USH2A: variants seen among roughly 807,000 people sequenced by gnomAD.
The protein encoded by USH2A is Usher syndrome 2A (autosomal recessive, mild).
USH2A carries 443 observed loss-of-function variants against 538.9 expected under a neutral mutation model. The ratio of observed to expected loss-of-function variants is 0.82; its 90% CI spans 0.76 to 0.89. The LOEUF is 0.89. USH2A is among the 40% of genes least tolerant of loss of function. USH2A has a pLI of 0.00. For synonymous variants in USH2A, 2,413 were observed against 2,273.5 expected, an observed-to-expected ratio of 1.06 and a Z score of -1.75; for missense variants, 6,633 against 6,324.8, an observed-to-expected ratio of 1.05 and a Z score of -1.65.
At chr1:215,872,223 G>A (rs1664640228) in intron 43 of USH2A, among the ~76,000 whole-genome samples, 1 of 152,082 alleles carries the variant, frequency 6.6e-6, no homozygotes, top group South Asian at 2.1e-4. Context: ...AGCAAACAAA[G>A]AAAAATGAAA....
chr1:216,097,664 A>T (rs188766118), intron 21 of USH2A, among the ~76,000 whole-genome samples: 1 of 152,222 alleles, frequency 6.6e-6, no homozygotes, highest in East Asian at 1.9e-4. Context: ...CCTGCCATGA[A>T]GAGGCCTATA....
intron 21 of USH2A, among the ~76,000 whole-genome samples, chr1:216,101,418 C>G (rs2032575313): frequency 6.6e-6 from 1 of 152,172 alleles, no homozygotes; most frequent in Non-Finnish European, 1.5e-5. Flanking sequence ...CAACTATTGA[C>G]TTAGGCTTAG....
intron 56 of USH2A, among the ~76,000 whole-genome samples, chr1:215,763,740 G>C (rs140043971): frequency 6.6e-6 from 1 of 152,176 alleles, no homozygotes; most frequent in African/African-American, 2.4e-5. Context: ...TGGGATGTGA[G>C]AAAGAGGAAA....
chr1:216,356,167 A>G lies in USH2A; in HGVS notation c.784+8786T>C, dbSNP rs1465663917. 2.6e-5 allele frequency among the ~76,000 whole-genome samples: 4 copies of G among 152,210 alleles called. No individual in the cohort carries two copies. The East Asian group carries it at 7.7e-4, about 29-fold the overall frequency. On this transcript the variant is annotated intron_variant, in intron 4 of 71. Transcript: ENST00000307340. ...TTCTCAGGCACAAATTATTATAGTA[A>G]TAATAATTGTATGTACAATGAGTTA...
chr1:215,708,801 C>T (rs1272656014), intron 61 of USH2A, among the ~76,000 whole-genome samples: 3 of 152,162 alleles, frequency 2.0e-5, no homozygotes, highest in East Asian at 1.9e-4. Flanking sequence ...TGGTTCCCAA[C>T]AGGCCACAGA....
chr1:215,675,648 T>G, intron 62 of USH2A, 32 bp from the exon 63 acceptor site: 1 of 1,613,986 alleles, frequency 6.2e-7, no homozygotes, highest in Non-Finnish European at 8.5e-7. Flanking sequence ...AGGGATAACT[T>G]GCAGCATACA....
At chr1:215,731,249 G>A (rs1418892928) in intron 60 of USH2A, among the ~76,000 whole-genome samples, 1 of 152,118 alleles carries the variant, frequency 6.6e-6, no homozygotes, top group African/African-American at 2.4e-5. Context: ...GAATTAAAAG[G>A]TGCAGCCTGG....
At chr1:215,702,512 T>A (rs978899448) in intron 61 of USH2A, among the ~76,000 whole-genome samples, 7 of 152,132 alleles carry the variant, frequency 4.6e-5, no homozygotes, top group African/African-American at 1.4e-4. Flanking sequence ...GAGCCTTTGT[T>A]TGTTCCTTTT....
chr1:215,969,219 A>G lies in USH2A; in HGVS notation c.6957+1406T>C, dbSNP rs572207297. ...AAAGCGTTTGCATACTGAGTACAGC[A>G]TAAAGAAAAGTACCAAGGGAGAAAA... On this transcript the variant is annotated intron_variant, in intron 36 of 71. Transcript: ENST00000307340. Among the ~76,000 whole-genome samples the G allele has an allele frequency of 2.1e-4, 32 of 152,098 alleles. No individual in the cohort carries two copies. The East Asian group carries it at 2.5e-3, about 12-fold the overall frequency.
At chr1:216,226,132 A>G (rs1239118734) in intron 14 of USH2A, among the ~76,000 whole-genome samples, 1 of 152,236 alleles carries the variant, frequency 6.6e-6, no homozygotes, top group African/African-American at 2.4e-5. Context: ...TTGAGAAACC[A>G]TAAGTCATGA....
Position 215,625,784 on chromosome 1 carries a change from C to G in USH2A, c.15606G>C (p.Leu5202=), listed in dbSNP as rs1260512229. The change falls in exon 72 of 72, where the codon CTG becomes CTC. Residue 5202 remains leucine (L), a synonymous_variant. Transcript: ENST00000307340. ...KERTTFTDTH[L] ...ACGTCTTCTGGGTTTCCATCCTTTA[C>G]AGGTGGGTGTCTGTGAATGTGGTGC... 4.3e-6 allele frequency: 7 copies of G among 1,614,040 alleles called. No individual in the cohort carries two copies. The highest frequency in any genetic ancestry group is 3.3e-4 in the Middle Eastern group (2 of 6,060).
At chr1:215,867,700 A>T (rs1202609210) in intron 43 of USH2A, among the ~76,000 whole-genome samples, 1 of 152,232 alleles carries the variant, frequency 6.6e-6, no homozygotes, top group Non-Finnish European at 1.5e-5. Flanking sequence ...AACTGTGACC[A>T]AAGTGTACAA....
chr1:216,313,405 C>T (rs763935003), intron 9 of USH2A, among the ~76,000 whole-genome samples: 17 of 152,170 alleles, frequency 1.1e-4, no homozygotes, highest in Non-Finnish European at 1.9e-4. Flanking sequence ...AAGTATTTCT[C>T]AGTAACTGCT....
At chr1:215,810,266 G>C (rs1662629159) in intron 49 of USH2A, among the ~76,000 whole-genome samples, 1 of 151,946 alleles carries the variant, frequency 6.6e-6, no homozygotes, top group Non-Finnish European at 1.5e-5. Context: ...ATTATTAAAG[G>C]CTTATATAAT....
intron 22 of USH2A, among the ~76,000 whole-genome samples, chr1:216,092,695 G>A (rs1331461045): frequency 6.6e-6 from 1 of 152,132 alleles, no homozygotes; most frequent in Non-Finnish European, 1.5e-5. Context: ...AAGTAAGGAA[G>A]GACACAGTCC....
At chr1:216,270,099 A>G (rs1057287424) in intron 11 of USH2A, among the ~76,000 whole-genome samples, 2 of 152,128 alleles carry the variant, frequency 1.3e-5, no homozygotes, top group East Asian at 3.9e-4. Flanking sequence ...AATAGTCACT[A>G]TATTTTAGGT....
chr1:216,096,585 G>T (rs12094003), intron 22 of USH2A, among the ~76,000 whole-genome samples: 53,223 of 151,606 alleles, frequency 0.35, 10,389 homozygotes, highest in African/African-American at 0.51. Flanking sequence ...CAATTTATAA[G>T]AATTTTAAAT....
At chr1:216,170,831 T>A (rs1296013053) in intron 21 of USH2A, among the ~76,000 whole-genome samples, 1 of 150,440 alleles carries the variant, frequency 6.6e-6, no homozygotes, top group East Asian at 1.9e-4. Context: ...ACGAGCATGA[T>A]TTTTTTTTCT....
intron 16 of USH2A, among the ~76,000 whole-genome samples, chr1:216,200,882 G>A (rs1438997654): frequency 3.3e-5 from 5 of 152,016 alleles, no homozygotes; most frequent in Non-Finnish European, 4.4e-5. Flanking sequence ...CATTGGAGAT[G>A]CGAGGAGGGT....
Sources: allele counts gnomAD v4.1 joint callset (sites outside exome capture counted in the v4.1 genomes callset), GRCh38; gene constraint gnomAD v4.1.1; transcripts MANE v1.5; gene names NCBI Gene and HGNC (gene_info 2026-07-23, HGNC 2026-07-21).